The following TNPO2 variants were observed in gnomAD, a reference collection of about 807,000 sequenced individuals.
TNPO2 encodes the protein transportin-2.
Under a neutral mutation model 111.1 loss-of-function variants are expected in TNPO2, and 16 were observed. The observed-to-expected ratio is 0.14, with a 90% confidence interval of 0.10 to 0.22. The LOEUF is 0.22. TNPO2 is among the 10% of genes least tolerant of loss of function. The probability of loss-of-function intolerance (pLI) is 1.00; values close to 1 mark genes in which losing one functional copy is unlikely to be tolerated. For missense variants in TNPO2, 530 were observed against 1,173.7 expected, an observed-to-expected ratio of 0.45 and a Z score of 8.01; for synonymous variants, 481 against 475.8, an observed-to-expected ratio of 1.01 and a Z score of -0.14.
At chr19:12,704,894 G>A (rs2025547697) in intron 18 of TNPO2, among the ~76,000 whole-genome samples, 1 of 152,108 alleles carries the variant, frequency 6.6e-6, no homozygotes, top group Non-Finnish European at 1.5e-5. Flanking sequence ...TGTTGGCCAA[G>A]CTGCTCTCAA....
chr19:12,705,857 C>T lies in TNPO2; in HGVS notation c.1669-89G>A, dbSNP rs897390310. The T allele has an allele frequency of 1.6e-5, 16 of 985,168 alleles. No homozygotes were observed. Among genetic ancestry groups the T allele is most frequent in the Admixed American group, 1.2e-4 (4 of 34,062 alleles). The allele number at this position is 985,168 out of a possible 1,614,324, so 61.0% of individuals were successfully genotyped here. On this transcript the variant is annotated intron_variant, in intron 15 of 25. Transcript: ENST00000425528. This position sits in a 1 kb window ranked among gnomAD's most constrained non-coding sequence, Gnocchi z 7.2. ...TGTTGCCCGAGTGATGAGGCCTGAG[C>T]GCCTCACCGTGGCTCATGGGACCCT...
In TNPO2 at chr19:12,699,336, GAA is replaced by G. The variant is rs2025169391; in HGVS notation, c.*1926_*1927del. 1 of 403,362 alleles carries G rather than the reference GAA, an allele frequency of 2.5e-6. No individual in the cohort carries two copies. Among genetic ancestry groups the G allele is most frequent in the African/African-American group, 2.1e-5 (1 of 47,812 alleles). 25.0% of individuals were successfully genotyped at this position (403,362 alleles called of 1,614,324 possible). ...CCGCAGGGGGAAGAGGGTGAGGAGGGAAAGAGGGACTGTGGCTCAAGGCCAGT... is the reference window on the plus strand; with the variant it reads ...CCGCAGGGGGAAGAGGGTGAGGAGGGAGAGGGACTGTGGCTCAAGGCCAGT... On this transcript the variant is annotated 3_prime_UTR_variant, in exon 26 of 26. Coordinates refer to ENST00000425528, the MANE Select transcript of TNPO2 (RefSeq NM_001382241.1).
At chr19:12,718,370 T>C (rs1395380053) in intron 5 of TNPO2, among the ~76,000 whole-genome samples, 1 of 152,184 alleles carries the variant, frequency 6.6e-6, no homozygotes, top group East Asian at 1.9e-4. Context: ...TTTCACCACA[T>C]TGGCCAGGAT....
rs2145485523 is a variant in TNPO2, at chr19:12,705,560, G to C, written c.1795C>G (p.Leu599Val). 1 of 1,605,912 alleles carries C rather than the reference G, an allele frequency of 6.2e-7. No individual in the cohort carries two copies. Among genetic ancestry groups the C allele is most frequent in the East Asian group, 2.2e-5 (1 of 44,658 alleles). ...SVATALQSGFLPYCEPVYQRC... is the reference protein window; with the variant it reads ...SVATALQSGFVPYCEPVYQRC... ...TGGTAGACGGGCTCACAGTAAGGCA[G>C]GAAGCCACTCTGCAGGGCGGTGGCC... is the stretch of plus-strand genomic sequence containing the variant. The change falls in exon 17 of 26, where the codon CTG becomes GTG. Residue 599 changes from leucine to valine, a missense_variant. This residue lies in a region of TNPO2 where 183 missense variants were observed against 481.0 expected (regional missense o/e 0.38). Transcript: ENST00000425528. This position sits in a 1 kb window ranked among gnomAD's most constrained non-coding sequence, Gnocchi z 7.2.
intron 10 of TNPO2, among the ~76,000 whole-genome samples, chr19:12,713,776 T>C (rs1255326826): frequency 6.6e-6 from 1 of 152,054 alleles, no homozygotes; most frequent in Non-Finnish European, 1.5e-5. Context: ...ACCTGTAATC[T>C]CAACACTTTA....
chr19:12,702,979 C>A lies in TNPO2; in HGVS notation c.2210-61G>T. 1 of 1,464,028 alleles carries A rather than the reference C, an allele frequency of 6.8e-7. No individual in the cohort carries two copies. Among genetic ancestry groups the A allele is most frequent in the Admixed American group, 1.7e-5 (1 of 57,228 alleles). The allele number at this position is 1,464,028 out of a possible 1,614,324, so 90.7% of individuals were successfully genotyped here. On this transcript the variant is annotated intron_variant, in intron 20 of 25. Transcript: ENST00000425528. The surrounding 1 kb of genome is among the most constrained non-coding windows in gnomAD (Gnocchi z 5.5). The stretch of plus-strand genomic sequence containing the variant: ...CCGCCACCCACAGGGGCCAGGGGGC[C>A]GCCCCACCTCACTCACTACTCGCCC...
rs1462097189 is a variant in TNPO2 at position 12,707,530 on chromosome 19, C to G, written c.1271-735G>C. 1.1e-4 allele frequency among the ~76,000 whole-genome samples: 13 copies of G among 123,700 alleles called. No individual in the cohort carries two copies. The Admixed American group carries it at 1.3e-3, about 13-fold the overall frequency. 81.2% of individuals were successfully genotyped at this position (123,700 alleles called of 152,430 possible). ...TTTGAGATGGAGTCTTGCTCTGTTG[C>G]CCAGGCTAGAGTGCAGTGGTGTGAT... On this transcript the variant is annotated intron_variant, in intron 13 of 25. Coordinates refer to ENST00000425528, the MANE Select transcript of TNPO2 (RefSeq NM_001382241.1).
rs1003219030 is a variant in TNPO2, at chr19:12,701,151, C to A, written c.*113G>T. The A allele has an allele frequency of 7.5e-6, 4 of 534,316 alleles. No individual in the cohort carries two copies. The African/African-American group carries it at 7.6e-5, about 10-fold the overall frequency. 33.1% of individuals were successfully genotyped at this position (534,316 alleles called of 1,614,324 possible). A position where few individuals can be genotyped will look rare whatever the true frequency, so the allele number is the denominator to read the frequency against. On this transcript the variant is annotated 3_prime_UTR_variant, in exon 26 of 26. Transcript: ENST00000425528. This position sits in a 1 kb window ranked among gnomAD's most constrained non-coding sequence, Gnocchi z 5.0. Reference sequence around the variant, plus strand: ...AAGGCATCTGGATTTGAGTCCCACTCACTCCTCCCTAACCCCCCTCAACCA... The same window carrying A: ...AAGGCATCTGGATTTGAGTCCCACTAACTCCTCCCTAACCCCCCTCAACCA...
At position 12,721,349 on chromosome 19, in the gene TNPO2, AGGGCCCAGCCGCCTCCACATCCAG is replaced by A. The variant is rs1386528216; in HGVS notation, c.-13-383_-13-360del. On this transcript the variant is annotated intron_variant, in intron 2 of 25. Coordinates refer to ENST00000425528, the MANE Select transcript of TNPO2 (RefSeq NM_001382241.1). This position sits in a 1 kb window ranked among gnomAD's most constrained non-coding sequence, Gnocchi z 4.9. ...CCACCTCCCTCGCAGCGGCTGGGCG[AGGGCCCAGCCGCCTCCACATCCAG>A]GGGCCCCGCCCCAGACCGTGATAGC... is the stretch of plus-strand genomic sequence containing the variant. The A allele has an allele frequency of 1.6e-6, 2 of 1,245,794 alleles. No homozygotes were observed. Among genetic ancestry groups the A allele is most frequent in the South Asian group, 2.6e-5 (2 of 77,958 alleles). The allele number at this position is 1,245,794 out of a possible 1,614,324, so 77.2% of individuals were successfully genotyped here. A position where few individuals can be genotyped will look rare whatever the true frequency, so the allele number is the denominator to read the frequency against.
At chr19:12,709,895 A>G (rs2025942781) in intron 13 of TNPO2, among the ~76,000 whole-genome samples, 2 of 152,182 alleles carry the variant, frequency 1.3e-5, no homozygotes, top group South Asian at 4.1e-4. Context: ...CTGGGATTAC[A>G]GGCGTGCACC....
At chr19:12,720,781 G>A (rs1200932831) in intron 3 of TNPO2, 98 bp downstream of exon 3, 1 of 1,421,776 alleles carries the variant, frequency 7.0e-7, no homozygotes, top group Non-Finnish European at 9.3e-7. Flanking sequence ...GAAAAAATCT[G>A]GGGACTAGGG....
rs2025363249 is a variant in TNPO2, at chr19:12,702,291, A to C, written c.2306-114T>G. 7.0e-6 allele frequency: 6 copies of C among 851,760 alleles called. No homozygotes were observed. The highest frequency in any genetic ancestry group is 1.1e-5 in the Non-Finnish European group (6 of 525,098). The allele number at this position is 851,760 out of a possible 1,614,324, so 52.8% of individuals were successfully genotyped here. On this transcript the variant is annotated intron_variant, in intron 21 of 25. Transcript: ENST00000425528. This position sits in a 1 kb window ranked among gnomAD's most constrained non-coding sequence, Gnocchi z 5.5. The stretch of plus-strand genomic sequence containing the variant: ...CTACTGCAGCCACCCTGGTCCCCCA[A>C]GCTTGGCCCAGCCAGGGGTCCTCCT...
At chr19:12,707,061 C>T (rs1278069163) in intron 13 of TNPO2, among the ~76,000 whole-genome samples, 1 of 152,090 alleles carries the variant, frequency 6.6e-6, no homozygotes, top group Non-Finnish European at 1.5e-5. Flanking sequence ...CGCAGTGGTA[C>T]GATCATGGCT....
At chr19:12,718,886 T>G in intron 5 of TNPO2, 143 bp downstream of exon 5, 1 of 1,178,858 alleles carries the variant, frequency 8.5e-7, no homozygotes, top group South Asian at 1.5e-5. Context: ...GCTCAGCGCC[T>G]CAGCTTCCTC....
In TNPO2 at chr19:12,723,291, G is replaced by C. The variant is rs1444318247; in HGVS notation, c.-56C>G. 6.6e-6 allele frequency: 1 copy of C among 152,210 alleles called. No homozygotes were observed. The highest frequency in any genetic ancestry group is 1.5e-5 in the Non-Finnish European group (1 of 68,042). The allele number at this position is 152,210 out of a possible 1,614,324, so 9.4% of individuals were successfully genotyped here. A position where few individuals can be genotyped will look rare whatever the true frequency, so the allele number is the denominator to read the frequency against. On this transcript the variant is annotated 5_prime_UTR_variant, in exon 2 of 26. Coordinates refer to ENST00000425528, the MANE Select transcript of TNPO2 (RefSeq NM_001382241.1). Reference sequence around the variant, plus strand: ...GGAACAGCGCAGGAAATTCTGGCAAGGGCAGGGTCATGAAGAAAGAAATCT... The same window carrying C: ...GGAACAGCGCAGGAAATTCTGGCAACGGCAGGGTCATGAAGAAAGAAATCT...
At chr19:12,709,644 T>G (rs2025922385) in intron 13 of TNPO2, among the ~76,000 whole-genome samples, 1 of 110,742 alleles carries the variant, frequency 9.0e-6, no homozygotes, top group Non-Finnish European at 1.6e-5. Flanking sequence ...TTTATCAGGT[T>G]TTTTTTTTTT....
At chr19:12,722,643 G>C (rs1257579433) in intron 2 of TNPO2, 1 of 147,086 alleles carries the variant, frequency 6.8e-6, no homozygotes, top group Non-Finnish European at 1.5e-5. Context: ...CGCGGCTCCC[G>C]TACTCCGTTC....
intron 5 of TNPO2, among the ~76,000 whole-genome samples, chr19:12,716,549 C>G (rs1423221188): frequency 1.3e-5 from 2 of 152,054 alleles, no homozygotes; most frequent in Non-Finnish European, 2.9e-5. Context: ...TCACTTGAAC[C>G]TGGGAGGCAG....
Position 12,713,638 on chromosome 19 carries a change from G to A in TNPO2, c.890+1183C>T, listed in dbSNP as rs150522392. The stretch of plus-strand genomic sequence containing the variant: ...AGAGAATCGCTTGAACCCGAGGGGC[G>A]GAGGTTGCAGTGAGCCGAGATTGTG... On this transcript the variant is annotated intron_variant, in intron 10 of 25. Transcript: ENST00000425528. Among the ~76,000 whole-genome samples, 982 of 152,242 alleles carry A rather than the reference G, an allele frequency of 6.5e-3. 10 individuals are homozygous for A. The highest frequency in any genetic ancestry group is 0.022 in the African/African-American group (922 of 41,554).
Sources: gnomAD v4.1 joint callset for allele counts (sites outside exome capture counted in the v4.1 genomes callset) on GRCh38, gnomAD v4.1.1 for gene constraint, gnomAD v4.1.1 regional missense constraint, Gnocchi (gnomAD v3.1) non-coding constraint, MANE v1.5 for transcripts, NCBI Gene and HGNC (gene_info 2026-07-23, HGNC 2026-07-21) for gene names.